GRIP1: variants seen among roughly 807,000 people sequenced by gnomAD.
The protein encoded by GRIP1 is glutamate receptor interacting protein 1.
Under a neutral mutation model 129.9 loss-of-function variants are expected in GRIP1, and 45 were observed. The observed-to-expected ratio is 0.35, with a 90% CI of 0.27 to 0.44. The LOEUF is 0.44. Ranked by LOEUF, GRIP1 falls within the 20% of genes least tolerant of loss-of-function variation. The pLI, the probability that GRIP1 is intolerant of heterozygous loss-of-function variation, is 1.00. For missense variants in GRIP1, 1,196 were observed against 1,396.8 expected (o/e 0.86, Z 2.29); for synonymous variants, 530 against 520.8 (o/e 1.02, Z -0.24).
chr12:66,419,643 C>T (rs1407356697), intron 15 of GRIP1, among the ~76,000 whole-genome samples: 1 of 152,188 alleles, frequency 6.6e-6, no homozygotes, highest in African/African-American at 2.4e-5. Flanking sequence ...GGGATGGCTC[C>T]CATAGCCCTG....
intron 2 of GRIP1, among the ~76,000 whole-genome samples, chr12:66,580,462 C>T (rs2063330254): frequency 2.0e-5 from 3 of 152,120 alleles, no homozygotes; most frequent in Non-Finnish European, 4.4e-5. Flanking sequence ...CACAGACTGG[C>T]AAATTGGCTA....
intron 7 of GRIP1, among the ~76,000 whole-genome samples, chr12:66,507,889 G>A (rs192477460): frequency 5.8e-4 from 88 of 152,078 alleles, no homozygotes; most frequent in African/African-American, 1.5e-3. Context: ...TCCAGCCTCC[G>A]CATCCTCAGT....
At chr12:66,618,381 AGT>A (rs1041661908) in intron 1 of GRIP1, among the ~76,000 whole-genome samples, 41 of 152,276 alleles carry the variant, frequency 2.7e-4, no homozygotes, top group Admixed American at 7.2e-4. Flanking sequence ...AACCAATAAA[AGT>A]GGTTTTCATT....
intron 1 of GRIP1, among the ~76,000 whole-genome samples, chr12:66,772,315 T>C (rs2037845085): frequency 6.6e-6 from 1 of 152,224 alleles, no homozygotes; most frequent in Non-Finnish European, 1.5e-5. Flanking sequence ...AAATGAGAAA[T>C]TATAAAACAC....
intron 2 of GRIP1, among the ~76,000 whole-genome samples, chr12:66,551,403 T>A (rs2062124020): frequency 6.6e-6 from 1 of 152,248 alleles, no homozygotes; most frequent in Non-Finnish European, 1.5e-5. Context: ...TTTAGAGGTT[T>A]AAGTTCTTCT....
Position 66,571,652 on chromosome 12 carries a change from G to C in GRIP1, c.136+25195C>G, listed in dbSNP as rs531527306. On this transcript the variant is annotated intron_variant, in intron 2 of 24. Coordinates refer to ENST00000359742, the MANE Select transcript of GRIP1 (RefSeq NM_001366722.1). ...AAAGAATATCTCACAAAGCCCAGGAGAGCATTACAATAATTGCTTCCCTTT... is the reference window on the plus strand; with the variant it reads ...AAAGAATATCTCACAAAGCCCAGGACAGCATTACAATAATTGCTTCCCTTT... 5.9e-5 allele frequency among the ~76,000 whole-genome samples: 9 copies of C among 152,196 alleles called. 1 individual carries two copies. Among genetic ancestry groups the C allele is most frequent in the African/African-American group, 2.2e-4 (9 of 41,512 alleles).
chr12:66,893,714 G>A (rs1281642177), intron 1 of GRIP1, among the ~76,000 whole-genome samples: 1 of 152,152 alleles, frequency 6.6e-6, no homozygotes, highest in African/African-American at 2.4e-5. Context: ...TATTTCTCTA[G>A]GATAAATACC....
intron 1 of GRIP1, among the ~76,000 whole-genome samples, chr12:66,707,804 A>G (rs1352815604): frequency 1.3e-5 from 2 of 151,988 alleles, no homozygotes; most frequent in East Asian, 1.9e-4. Flanking sequence ...ACAAGGTCCC[A>G]TCAGTTTTAA....
chr12:66,893,548 T>C (rs949580990), intron 1 of GRIP1, among the ~76,000 whole-genome samples: 2 of 152,226 alleles, frequency 1.3e-5, no homozygotes, highest in South Asian at 2.1e-4. Context: ...GTTTTTATTC[T>C]TGAGTAGTTT....
At chr12:66,729,775 C>T (rs926433282) in intron 1 of GRIP1, among the ~76,000 whole-genome samples, 63 of 152,040 alleles carry the variant, frequency 4.1e-4, no homozygotes, top group Admixed American at 1.2e-3. Context: ...GGGGTTTCCC[C>T]GTGTTAGCCA....
chr12:66,967,463 T>C (rs976496079), intron 1 of GRIP1, among the ~76,000 whole-genome samples: 8 of 152,308 alleles, frequency 5.3e-5, no homozygotes, highest in Middle Eastern at 3.4e-3. Flanking sequence ...TTATTCACAG[T>C]TGTACTGCTA....
intron 1 of GRIP1, among the ~76,000 whole-genome samples, chr12:66,988,832 C>T (rs1202249995): frequency 6.6e-6 from 1 of 152,102 alleles, no homozygotes; most frequent in African/African-American, 2.4e-5. Flanking sequence ...TTGATAAACT[C>T]TCAATAAAGA....
chr12:66,576,268 G>A (rs2063135731), intron 2 of GRIP1, among the ~76,000 whole-genome samples: 1 of 152,218 alleles, frequency 6.6e-6, no homozygotes, highest in Non-Finnish European at 1.5e-5. Flanking sequence ...GGACTACCAT[G>A]AACTGAGTGA....
intron 2 of GRIP1, among the ~76,000 whole-genome samples, chr12:66,579,422 C>A (rs2063282291): frequency 6.6e-6 from 1 of 152,156 alleles, no homozygotes; most frequent in African/African-American, 2.4e-5. Flanking sequence ...ATGACTTTGA[C>A]AAGTTGAGAG....
intron 1 of GRIP1, among the ~76,000 whole-genome samples, chr12:66,708,220 A>G (rs1233615982): frequency 6.6e-6 from 1 of 151,990 alleles, no homozygotes; most frequent in Non-Finnish European, 1.5e-5. Context: ...GAATGGAATG[A>G]GGTTGCTCAT....
intron 2 of GRIP1, among the ~76,000 whole-genome samples, chr12:66,565,959 G>A (rs1361992821): frequency 6.6e-6 from 1 of 152,134 alleles, no homozygotes; most frequent in East Asian, 1.9e-4. Context: ...TGTGATTTTT[G>A]TACATTGATT....
chr12:66,390,835 TCAGA>T (rs2056556023), intron 19 of GRIP1, among the ~76,000 whole-genome samples: 1 of 152,220 alleles, frequency 6.6e-6, no homozygotes, highest in Admixed American at 6.5e-5. Flanking sequence ...TCTCAGGCAA[TCAGA>T]AGGTCTGTTA....
At chr12:66,552,912 C>A (rs981101098) in intron 2 of GRIP1, among the ~76,000 whole-genome samples, 1 of 152,140 alleles carries the variant, frequency 6.6e-6, no homozygotes, top group Non-Finnish European at 1.5e-5. Context: ...CATGGAGAAG[C>A]CATGGGCCTG....
chr12:66,783,003 A>G (rs1432618592), intron 1 of GRIP1, among the ~76,000 whole-genome samples: 1 of 152,002 alleles, frequency 6.6e-6, no homozygotes, highest in Non-Finnish European at 1.5e-5. Flanking sequence ...TTAATAGTGC[A>G]TTGCCATATT....
Sources: allele counts gnomAD v4.1 joint callset (sites outside exome capture counted in the v4.1 genomes callset), GRCh38; gene constraint gnomAD v4.1.1; transcripts MANE v1.5; gene names NCBI Gene and HGNC (gene_info 2026-07-23, HGNC 2026-07-21).